Variants in IGFL2 observed in about 807,000 individuals in gnomAD.
IGFL2 encodes the protein IGF like family member 2.
In IGFL2, 7 loss-of-function variants were observed where a neutral mutation model predicts 13.9. The ratio of observed to expected loss-of-function variants is 0.51; its 90% CI spans 0.29 to 0.95. The LOEUF is 0.95. Ranked by LOEUF, IGFL2 falls within the 40% of genes least tolerant of loss-of-function variation. The probability of loss-of-function intolerance (pLI) is 0.08; values close to 1 mark genes in which losing one functional copy is unlikely to be tolerated. For missense variants in IGFL2, 138 were observed against 147.8 expected, an observed-to-expected ratio of 0.93 and a Z score of 0.34; for synonymous variants, 55 against 55.8, an observed-to-expected ratio of 0.99 and a Z score of 0.07.
the IGFL2 span, among the ~76,000 whole-genome samples, chr19:46,185,839 C>T: frequency 2.0e-5 from 3 of 152,226 alleles, no homozygotes; most frequent in African/African-American, 7.2e-5. Flanking sequence ...CCCCTACACA[C>T]ACCTCGCACC....
the IGFL2 span, among the ~76,000 whole-genome samples, chr19:46,185,368 C>T: frequency 6.6e-6 from 1 of 152,208 alleles, no homozygotes; most frequent in African/African-American, 2.4e-5. Context: ...TGGGGAAGGG[C>T]CACTGTGGGT....
chr19:46,106,112 G>C, the IGFL2 span, among the ~76,000 whole-genome samples: 3 of 152,194 alleles, frequency 2.0e-5, no homozygotes, highest in African/African-American at 7.2e-5. Context: ...GTTGTTTGTA[G>C]AAGGGGTTGG....
downstream of IGFL2, among the ~76,000 whole-genome samples, chr19:46,162,020 A>G (rs1461585349): frequency 6.6e-6 from 1 of 152,226 alleles, no homozygotes; most frequent in Non-Finnish European, 1.5e-5. Context: ...GTCGTAATGA[A>G]TTCCCTCAAC....
At chr19:46,137,027 A>G in the IGFL2 span, 2 of 1,584,636 alleles carry the variant, frequency 1.3e-6, no homozygotes, top group Non-Finnish European at 1.7e-6. Flanking sequence ...CAATGCAGTC[A>G]CAGTGGCATG....
At chr19:46,114,368 G>A in the IGFL2 span, among the ~76,000 whole-genome samples, 1 of 152,176 alleles carries the variant, frequency 6.6e-6, no homozygotes, top group Non-Finnish European at 1.5e-5. Flanking sequence ...TGGTCTTTGA[G>A]TCTCTCCCAA....
At chr19:46,191,228 C>G in the IGFL2 span, among the ~76,000 whole-genome samples, 3 of 152,206 alleles carry the variant, frequency 2.0e-5, no homozygotes, top group South Asian at 6.2e-4. Flanking sequence ...TACTACAAAA[C>G]TCAGCCCAGA....
the IGFL2 span, among the ~76,000 whole-genome samples, chr19:46,187,816 G>A: frequency 6.8e-6 from 1 of 147,888 alleles, no homozygotes; most frequent in East Asian, 2.0e-4. Flanking sequence ...TGTGCTGCTG[G>A]TGTGTGCTAC....
the IGFL2 span, among the ~76,000 whole-genome samples, chr19:46,204,506 AAG>A: frequency 6.6e-6 from 1 of 152,178 alleles, no homozygotes; most frequent in Admixed American, 6.5e-5. Flanking sequence ...TGACCCTGGA[AAG>A]AGACAGGGTT....
the IGFL2 span, among the ~76,000 whole-genome samples, chr19:46,181,599 C>G: frequency 0.66 from 100,279 of 152,046 alleles, 34,211 homozygotes; most frequent in Non-Finnish European, 0.77. Flanking sequence ...CTGGTCCTGA[C>G]ACTCCCTCCC....
At chr19:46,205,872 C>A in the IGFL2 span, among the ~76,000 whole-genome samples, 92,579 of 151,856 alleles carry the variant, frequency 0.61, 28,468 homozygotes, top group Non-Finnish European at 0.64. Context: ...GGGTTGCTGC[C>A]TGTGGGCTGG....
chr19:46,137,562 C>T, the IGFL2 span: 28 of 1,022,628 alleles, frequency 2.7e-5, no homozygotes, highest in Non-Finnish European at 3.2e-5. Flanking sequence ...TCGTCATCCT[C>T]CGTCTCACTG....
At chr19:46,117,824 C>T in the IGFL2 span, among the ~76,000 whole-genome samples, 3 of 152,104 alleles carry the variant, frequency 2.0e-5, no homozygotes, top group Non-Finnish European at 1.5e-5. Context: ...GGACTACAGG[C>T]CCCAGAATGG....
chr19:46,162,866 A>G (rs1199250712), downstream of IGFL2, among the ~76,000 whole-genome samples: 1 of 151,912 alleles, frequency 6.6e-6, no homozygotes, highest in Non-Finnish European at 1.5e-5. Flanking sequence ...AGGACATATG[A>G]CCCTCTGGCC....
chr19:46,187,636 T>G, the IGFL2 span, among the ~76,000 whole-genome samples: 1 of 141,954 alleles, frequency 7.0e-6, no homozygotes, highest in Admixed American at 6.9e-5. Flanking sequence ...TGCTGGTGTG[T>G]GCTACCTGAT....
At chr19:46,088,115 C>T in the IGFL2 span, among the ~76,000 whole-genome samples, 1 of 152,144 alleles carries the variant, frequency 6.6e-6, no homozygotes, top group African/African-American at 2.4e-5. Context: ...CTCGGCAGGC[C>T]ACTTCACTTT....
At chr19:46,094,420 A>C in the IGFL2 span, among the ~76,000 whole-genome samples, 2 of 152,178 alleles carry the variant, frequency 1.3e-5, no homozygotes, top group Non-Finnish European at 2.9e-5. Context: ...AAATGATAGA[A>C]GTCTATAGAG....
At chr19:46,147,144 C>A (rs953461928), upstream of IGFL2, among the ~76,000 whole-genome samples, 4 of 152,178 alleles carry the variant, frequency 2.6e-5, no homozygotes, top group African/African-American at 9.7e-5. Flanking sequence ...TTCTCCCTGG[C>A]AGGGTTTTTA....
At chr19:46,139,898 T>C (rs968193812), upstream of IGFL2, among the ~76,000 whole-genome samples, 2 of 152,016 alleles carry the variant, frequency 1.3e-5, no homozygotes, top group African/African-American at 4.8e-5. Context: ...TATATGTATA[T>C]ATGTATATAT....
chr19:46,169,189 G>C, the IGFL2 span, among the ~76,000 whole-genome samples: 3 of 152,136 alleles, frequency 2.0e-5, no homozygotes, highest in Non-Finnish European at 2.9e-5. Context: ...CTGGGCAACA[G>C]AGCATGACTC....
Sources: allele counts gnomAD v4.1 joint callset (sites outside exome capture counted in the v4.1 genomes callset), GRCh38; gene constraint gnomAD v4.1.1; transcripts MANE v1.5; gene names NCBI Gene and HGNC (gene_info 2026-07-23, HGNC 2026-07-21).